MGAT5: variants seen among roughly 807,000 people sequenced by gnomAD.
The protein encoded by MGAT5 is alpha-1,6-mannosylglycoprotein 6-beta-N-acetylglucosaminyltransferase A.
In MGAT5, 30 loss-of-function variants were observed where a neutral mutation model predicts 94.3. The ratio of observed to expected loss-of-function variants is 0.32; its 90% CI spans 0.24 to 0.43. MGAT5 has a LOEUF of 0.43. MGAT5 is among the 20% of genes least tolerant of loss of function. MGAT5 has a pLI of 1.00. For synonymous variants in MGAT5, 310 were observed against 322.9 expected (o/e 0.96, Z 0.43); for missense variants, 691 against 905.5 (o/e 0.76, Z 3.04).
At chr2:134,414,998 T>C (rs1683886525) in intron 12 of MGAT5, among the ~76,000 whole-genome samples, 1 of 152,200 alleles carries the variant, frequency 6.6e-6, no homozygotes, top group Admixed American at 6.5e-5. Flanking sequence ...TACACATAAT[T>C]TGTTTATCTA....
intron 1 of MGAT5, among the ~76,000 whole-genome samples, chr2:134,122,049 G>A (rs1685619259): frequency 6.6e-6 from 1 of 152,000 alleles, no homozygotes; most frequent in Non-Finnish European, 1.5e-5. Flanking sequence ...TATTGTTCAG[G>A]GCTGAGATGG....
intron 4 of MGAT5, among the ~76,000 whole-genome samples, chr2:134,328,467 C>G (rs1264096858): frequency 6.6e-6 from 1 of 152,032 alleles, no homozygotes; most frequent in African/African-American, 2.4e-5. Context: ...TCATTGAGGT[C>G]AAGATAAAGT....
chr2:134,367,895 T>C (rs1490809655), intron 10 of MGAT5, among the ~76,000 whole-genome samples: 1 of 152,242 alleles, frequency 6.6e-6, no homozygotes, highest in African/African-American at 2.4e-5. Flanking sequence ...TTTCTGCTTC[T>C]TGGAGCCCTT....
intron 10 of MGAT5, among the ~76,000 whole-genome samples, chr2:134,400,593 A>G (rs1318623490): frequency 1.3e-5 from 2 of 152,114 alleles, no homozygotes; most frequent in African/African-American, 4.8e-5. Context: ...TTACTTTCCC[A>G]GGCATTTAGT....
Position 134,270,503 on chromosome 2 carries a change from C to A in MGAT5, c.359C>A (p.Thr120Asn). 2 of 1,614,214 alleles carry A rather than the reference C, an allele frequency of 1.2e-6. No individual in the cohort carries two copies. The highest frequency in any genetic ancestry group is 1.7e-6 in the Non-Finnish European group (2 of 1,180,026). Residue 120 changes from threonine (T) to asparagine (N), a missense_variant, in exon 2 of 16, where the codon ACT (threonine) becomes AAT (asparagine). By Grantham distance (65) the Thr-to-Asn change is moderately conservative. Around this residue, in one of 4 missense-constraint regions of MGAT5, gnomAD observed 307 missense variants for 335.4 expected, o/e 0.92. Transcript: ENST00000281923. ...NGTGTNSTNS[T>N]TAVPSLVALE... ...ACCGGAACAAACTCAACCAACTCCA[C>A]TACAGCTGTTCCCAGCTTGGTTGCA...
chr2:134,448,062 AGCCTTT>A (rs1685890280), intron 15 of MGAT5, among the ~76,000 whole-genome samples: 1 of 152,254 alleles, frequency 6.6e-6, no homozygotes. Flanking sequence ...AATTCTTTAA[AGCCTTT>A]AATTAAAAAG....
intron 10 of MGAT5, among the ~76,000 whole-genome samples, chr2:134,399,647 C>T (rs1351501181): frequency 8.5e-5 from 13 of 152,200 alleles, no homozygotes; most frequent in Non-Finnish European, 4.4e-5. Flanking sequence ...TTGACTGCAT[C>T]TCCAGAGATC....
chr2:134,260,617 T>G (rs899696987), intron 1 of MGAT5, among the ~76,000 whole-genome samples: 1 of 152,192 alleles, frequency 6.6e-6, no homozygotes. Context: ...TAGTTTGTTT[T>G]GTTTTTCCAC....
intron 2 of MGAT5, among the ~76,000 whole-genome samples, chr2:134,272,808 G>A (rs181717923): frequency 3.0e-4 from 45 of 152,338 alleles, no homozygotes; most frequent in Admixed American, 1.9e-3. Context: ...AAGAGATTCT[G>A]AGTGTTAACT....
intron 8 of MGAT5, among the ~76,000 whole-genome samples, chr2:134,348,096 G>A (rs1239956546): frequency 9.2e-5 from 14 of 152,152 alleles, no homozygotes; most frequent in Non-Finnish European, 1.5e-5. Flanking sequence ...CCACTTCCTT[G>A]TACATCTTTT....
At chr2:134,233,008 C>T (rs1011134639) in intron 1 of MGAT5, among the ~76,000 whole-genome samples, 1 of 152,136 alleles carries the variant, frequency 6.6e-6, no homozygotes, top group African/African-American at 2.4e-5. Context: ...TTAAAACTGC[C>T]ACAACAGGTT....
At chr2:134,284,677 C>G (rs528067728) in intron 2 of MGAT5, among the ~76,000 whole-genome samples, 1 of 151,998 alleles carries the variant, frequency 6.6e-6, no homozygotes, top group East Asian at 1.9e-4. Flanking sequence ...TTCCTCAGAG[C>G]AAACCTGCAG....
chr2:134,335,981 C>T (rs17783590), intron 4 of MGAT5, among the ~76,000 whole-genome samples: 23,192 of 152,112 alleles, frequency 0.15, 1,976 homozygotes, highest in Middle Eastern at 0.36. Flanking sequence ...TAAAGTACTT[C>T]GAAGGACAGA....
chr2:134,177,144 C>CGTGTGTATGTGTGTGTGTGTGTGT (rs1553488518), intron 1 of MGAT5, among the ~76,000 whole-genome samples: 1,930 of 142,608 alleles, frequency 0.014, 25 homozygotes, highest in South Asian at 0.025. Flanking sequence ...CAAATGAACC[C>CGTGTGTATGTGTGTGTGTGTGTGT]GTGTGTGTGT....
intron 1 of MGAT5, among the ~76,000 whole-genome samples, chr2:134,229,427 G>C (rs1681235972): frequency 6.6e-6 from 1 of 152,118 alleles, no homozygotes; most frequent in South Asian, 2.1e-4. Context: ...GTTTTCTTTG[G>C]ACCTGTTTTA....
chr2:134,348,491 G>A (rs1689054234), intron 8 of MGAT5, among the ~76,000 whole-genome samples: 1 of 152,122 alleles, frequency 6.6e-6, no homozygotes, highest in Non-Finnish European at 1.5e-5. Flanking sequence ...ACACAGAAAT[G>A]AAAATTTTTG....
chr2:134,374,776 T>G (rs1011202065), intron 10 of MGAT5, among the ~76,000 whole-genome samples: 8 of 152,174 alleles, frequency 5.3e-5, no homozygotes, highest in Non-Finnish European at 1.0e-4. Flanking sequence ...GCAGATCACT[T>G]GAGCCTAGGA....
intron 14 of MGAT5, among the ~76,000 whole-genome samples, chr2:134,436,104 C>A (rs1685152428): frequency 6.6e-6 from 1 of 152,204 alleles, no homozygotes; most frequent in Non-Finnish European, 1.5e-5. Context: ...TCTCAAAGTT[C>A]TTTCTTATCA....
At chr2:134,357,381 C>G (rs1471585622) in intron 9 of MGAT5, among the ~76,000 whole-genome samples, 1 of 152,188 alleles carries the variant, frequency 6.6e-6, no homozygotes, top group East Asian at 1.9e-4. Context: ...GGCTCACAGC[C>G]ATTTTTATTT....
Sources: allele counts gnomAD v4.1 joint callset (sites outside exome capture counted in the v4.1 genomes callset), GRCh38; gene constraint gnomAD v4.1.1; regional missense constraint gnomAD v4.1.1; transcripts MANE v1.5; gene names NCBI Gene and HGNC (gene_info 2026-07-23, HGNC 2026-07-21).